The following RAP1GAP2 variants were observed in gnomAD, a reference collection of about 807,000 sequenced individuals.
RAP1GAP2 encodes the protein RAP1 GTPase activating protein 2, also known as rap1 GTPase-activating protein 2.
A neutral mutation model predicts 95.0 loss-of-function variants in RAP1GAP2; 27 were observed. That is an observed-to-expected ratio of 0.28 (90% CI 0.21 to 0.39). The LOEUF is 0.39. Among genes scored for constraint, RAP1GAP2 ranks in the 10% least tolerant of loss-of-function variants. RAP1GAP2 has a pLI of 1.00. For missense variants in RAP1GAP2, 771 were observed against 970.0 expected (o/e 0.79, Z 2.72); for synonymous variants, 373 against 380.9 (o/e 0.98, Z 0.24).
intron 9 of RAP1GAP2, among the ~76,000 whole-genome samples, 189 bp downstream of exon 9, chr17:2,980,554 C>T (rs1277884329): frequency 2.0e-5 from 3 of 152,298 alleles, no homozygotes; most frequent in African/African-American, 4.8e-5. Flanking sequence ...GTCTTTCCTA[C>T]GCCCTCCATA....
intron 2 of RAP1GAP2, among the ~76,000 whole-genome samples, chr17:2,852,345 G>A (rs1412567561): frequency 6.6e-6 from 1 of 151,380 alleles, no homozygotes; most frequent in African/African-American, 2.4e-5. Context: ...GGTGGGGGTG[G>A]GGGTGGGGGG....
In RAP1GAP2 at chr17:2,763,527, C is replaced by G. The variant is rs1215062327; in HGVS notation, c.51-6802C>G. Among the ~76,000 whole-genome samples, 4 of 152,010 alleles carry G rather than the reference C, an allele frequency of 2.6e-5. No homozygotes were observed. In the East Asian group the frequency reaches 7.7e-4, roughly 29 times the overall value. ...GCTGGCAATCATGGTGCAACCCTGT[C>G]TCTACTAAAAATGCACAAATTAGCT... On this transcript the variant is annotated intron_variant, in intron 1 of 25. Transcript: ENST00000637138.
At chr17:2,846,206 C>T (rs2071583326) in intron 2 of RAP1GAP2, among the ~76,000 whole-genome samples, 2 of 151,130 alleles carry the variant, frequency 1.3e-5, no homozygotes, top group Admixed American at 1.3e-4. Context: ...AAAAAAAGTT[C>T]TCATCAATGG....
At chr17:2,935,587 AC>A (rs199670999) in intron 3 of RAP1GAP2, among the ~76,000 whole-genome samples, 4 of 150,842 alleles carry the variant, frequency 2.7e-5, no homozygotes, top group Admixed American at 6.6e-5. Context: ...AATAAATGTC[AC>A]CCCCCCGCCC....
intron 1 of RAP1GAP2, among the ~76,000 whole-genome samples, chr17:2,768,097 T>G (rs2151432222): frequency 6.6e-6 from 1 of 152,258 alleles, no homozygotes; most frequent in East Asian, 1.9e-4. Context: ...GGTGCATGGG[T>G]CGCCCTCAGT....
chr17:2,959,099 G>A (rs998503056), intron 4 of RAP1GAP2, among the ~76,000 whole-genome samples: 1 of 152,116 alleles, frequency 6.6e-6, no homozygotes, highest in African/African-American at 2.4e-5. Context: ...TAGTCAGTGG[G>A]ATCCTGGCAC....
At chr17:2,777,922 G>A (rs1309397680) in intron 1 of RAP1GAP2, among the ~76,000 whole-genome samples, 1 of 149,078 alleles carries the variant, frequency 6.7e-6, no homozygotes, top group African/African-American at 2.5e-5. Context: ...AGGGTGGGGA[G>A]TAAACAGCTT....
At chr17:2,810,165 G>T (rs1019233351) in intron 2 of RAP1GAP2, among the ~76,000 whole-genome samples, 5 of 151,998 alleles carry the variant, frequency 3.3e-5, no homozygotes, top group African/African-American at 1.2e-4. Flanking sequence ...AGGGCGAGGG[G>T]AGCAAATGTG....
intron 2 of RAP1GAP2, among the ~76,000 whole-genome samples, chr17:2,889,884 TATA>T (rs1307290971): frequency 4.8e-4 from 33 of 68,792 alleles, no homozygotes; most frequent in African/African-American, 1.1e-3. Flanking sequence ...TATATATATA[TATA>T]TATTTTTTTT....
intron 2 of RAP1GAP2, among the ~76,000 whole-genome samples, chr17:2,812,387 A>G (rs937544989): frequency 2.0e-5 from 3 of 152,122 alleles, no homozygotes; most frequent in Admixed American, 2.0e-4. Flanking sequence ...TCTCCTGCCC[A>G]GTGACACAGG....
rs571450151 is a variant in RAP1GAP2 at position 2,965,525 on chromosome 17, A to C, written c.493-15A>C. The stretch of plus-strand genomic sequence containing the variant: ...TTCTTCCTCCTTCCTGCTCACACTC[A>C]GTTTCTTTTTTTAGGATCATCTAAA... On this transcript the variant is annotated splice_polypyrimidine_tract_variant and intron_variant, in intron 7 of 24. Coordinates refer to ENST00000254695, the MANE Select transcript of RAP1GAP2 (RefSeq NM_015085.5). This position sits in a 1 kb window ranked among gnomAD's most constrained non-coding sequence, Gnocchi z 4.7. 1 of 1,594,888 alleles carries C rather than the reference A, an allele frequency of 6.3e-7. No homozygotes were observed. The highest frequency in any genetic ancestry group is 1.1e-5 in the South Asian group (1 of 88,394).
At chr17:2,826,848 A>C (rs1041079779) in intron 2 of RAP1GAP2, among the ~76,000 whole-genome samples, 7 of 152,144 alleles carry the variant, frequency 4.6e-5, no homozygotes, top group Admixed American at 1.3e-4. Flanking sequence ...TCTACTAAAA[A>C]TATAAAAATT....
At chr17:2,852,619 A>C (rs61530211) in intron 2 of RAP1GAP2, among the ~76,000 whole-genome samples, 1 of 152,168 alleles carries the variant, frequency 6.6e-6, no homozygotes, top group African/African-American at 2.4e-5. Flanking sequence ...AACAACAACA[A>C]AAAACAAGGC....
chr17:2,908,956 T>G (rs1597580867), intron 3 of RAP1GAP2, among the ~76,000 whole-genome samples: 1 of 152,134 alleles, frequency 6.6e-6, no homozygotes, highest in Non-Finnish European at 1.5e-5. Flanking sequence ...TCCTTCCGCC[T>G]TGACCTCCCA....
chr17:2,787,266 T>C (rs2068807824), intron 1 of RAP1GAP2, among the ~76,000 whole-genome samples: 2 of 151,508 alleles, frequency 1.3e-5, no homozygotes, highest in Admixed American at 1.3e-4. Context: ...TTTTTTTTTT[T>C]TTTCTTTTTT....
At chr17:2,930,469 A>C (rs1439323041) in intron 3 of RAP1GAP2, among the ~76,000 whole-genome samples, 1 of 151,940 alleles carries the variant, frequency 6.6e-6, no homozygotes, top group Non-Finnish European at 1.5e-5. Context: ...CAGCTTCCTC[A>C]CTCGGAATGG....
chr17:2,962,938 G>T (rs2044404622), intron 5 of RAP1GAP2: 2 of 569,122 alleles, frequency 3.5e-6, no homozygotes, highest in African/African-American at 1.9e-5. Flanking sequence ...CAGGCTGGGG[G>T]TGGAGGCCTC....
chr17:2,976,182 CA>C (rs111804949), intron 8 of RAP1GAP2, among the ~76,000 whole-genome samples: 2 of 152,002 alleles, frequency 1.3e-5, no homozygotes, highest in African/African-American at 4.8e-5. Context: ...ATTGAGCAGG[CA>C]AAAAATTGTG....
At chr17:2,843,223 G>C (rs532481072) in intron 2 of RAP1GAP2, among the ~76,000 whole-genome samples, 429 of 152,090 alleles carry the variant, frequency 2.8e-3, no homozygotes, top group Non-Finnish European at 4.7e-3. Context: ...GGTCAAGGAA[G>C]CCCTCTCTGG....
Sources: gnomAD v4.1 joint callset for allele counts (sites outside exome capture counted in the v4.1 genomes callset) on GRCh38, gnomAD v4.1.1 for gene constraint, Gnocchi (gnomAD v3.1) non-coding constraint, MANE v1.5 for transcripts, NCBI Gene and HGNC (gene_info 2026-07-23, HGNC 2026-07-21) for gene names.